The following GALNT7 variants were observed in gnomAD, a reference collection of about 807,000 sequenced individuals.
GALNT7 encodes the protein polypeptide N-acetylgalactosaminyltransferase 7, also known as N-acetylgalactosaminyltransferase 7.
GALNT7 carries 60 observed loss-of-function variants against 82.1 expected under a neutral mutation model. The observed-to-expected ratio is 0.73, with a 90% CI of 0.59 to 0.91. GALNT7 has a LOEUF of 0.91. GALNT7 is among the 40% of genes least tolerant of loss of function. The pLI is 0.00. For synonymous variants in GALNT7, 243 were observed against 275.1 expected (o/e 0.88, Z 1.15); for missense variants, 660 against 804.2 (o/e 0.82, Z 2.17).
At chr4:173,304,575 C>T (rs1737074343) in intron 8 of GALNT7, among the ~76,000 whole-genome samples, 1 of 151,854 alleles carries the variant, frequency 6.6e-6, no homozygotes, top group Non-Finnish European at 1.5e-5. Flanking sequence ...AAAATTTGTT[C>T]TCAGCAATTT....
intron 8 of GALNT7, 112 bp downstream of exon 8, chr4:173,304,230 T>C: frequency 1.3e-6 from 1 of 794,240 alleles, no homozygotes; most frequent in Non-Finnish European, 2.0e-6. Context: ...AGCAGTCATG[T>C]TGATTCTCAC....
At chr4:173,313,564 C>G (rs1364922118) in intron 8 of GALNT7, among the ~76,000 whole-genome samples, 3 of 147,050 alleles carry the variant, frequency 2.0e-5, no homozygotes, top group Non-Finnish European at 4.5e-5. Context: ...GAGCAAGACC[C>G]CATCACAAAA....
intron 1 of GALNT7, among the ~76,000 whole-genome samples, chr4:173,201,486 G>A (rs1022838940): frequency 2.6e-5 from 4 of 152,298 alleles, no homozygotes; most frequent in Admixed American, 2.0e-4. Flanking sequence ...TGCTTTGAAA[G>A]GGTTCACAGC....
chr4:173,247,288 T>C (rs1734677022), intron 1 of GALNT7, among the ~76,000 whole-genome samples: 1 of 151,300 alleles, frequency 6.6e-6, no homozygotes, highest in Non-Finnish European at 1.5e-5. Flanking sequence ...TTACTGTGAA[T>C]GAATATCCTT....
Position 173,317,701 on chromosome 4 carries a change from T to G in GALNT7, c.1676T>G (p.Leu559Arg), listed in dbSNP as rs1321445126. Reference sequence around the variant, plus strand: ...AAAACAAATGGAGGCTTTGTTGAACTAGGACCCTGCCACAGGATGGGAGGG... The same window carrying G: ...AAAACAAATGGAGGCTTTGTTGAACGAGGACCCTGCCACAGGATGGGAGGG... ...MGKTNGGFVE[L>R]GPCHRMGGNQ... Residue 559 changes from leucine (L) to arginine (R), a missense_variant, in exon 10 of 12, where the codon CTA becomes CGA. Around this residue, in one of 2 missense-constraint regions of GALNT7, gnomAD observed 527 missense variants for 683.5 expected, o/e 0.77. Transcript: ENST00000265000. 6.2e-7 allele frequency: 1 copy of G among 1,612,448 alleles called. No individual in the cohort carries two copies. Among genetic ancestry groups the G allele is most frequent in the Non-Finnish European group, 8.5e-7 (1 of 1,178,494 alleles).
intron 2 of GALNT7, among the ~76,000 whole-genome samples, chr4:173,262,812 C>T (rs1243266785): frequency 1.3e-5 from 2 of 152,228 alleles, no homozygotes; most frequent in Middle Eastern, 3.4e-3. Flanking sequence ...CTTCCCATTT[C>T]GTCTCACAGA....
intron 1 of GALNT7, among the ~76,000 whole-genome samples, chr4:173,170,277 C>T (rs1731817424): frequency 6.6e-6 from 1 of 152,244 alleles, no homozygotes; most frequent in South Asian, 2.1e-4. Context: ...GAGTCGCTCT[C>T]TCTGTTGTAA....
intron 8 of GALNT7, among the ~76,000 whole-genome samples, chr4:173,311,276 T>C (rs1737370546): frequency 6.6e-6 from 1 of 152,214 alleles, no homozygotes; most frequent in South Asian, 2.1e-4. Flanking sequence ...TATACATAAC[T>C]CTTCAGGTTT....
chr4:173,309,196 G>A (rs1016324401), intron 8 of GALNT7, among the ~76,000 whole-genome samples: 5 of 152,068 alleles, frequency 3.3e-5, no homozygotes, highest in East Asian at 3.9e-4. Context: ...GCATCCTCCC[G>A]GGCTTCTTTC....
intron 1 of GALNT7, among the ~76,000 whole-genome samples, chr4:173,201,700 C>CT (rs939645738): frequency 6.6e-5 from 10 of 152,012 alleles, no homozygotes; most frequent in African/African-American, 1.7e-4. Context: ...GAAAAAGCAC[C>CT]TTTTTTTTCT....
rs371108038 is a variant in GALNT7, at chr4:173,292,135, C to T, written c.615C>T (p.Asn205=). 2 of 1,609,312 alleles carry T rather than the reference C, an allele frequency of 1.2e-6. No homozygotes were observed. Among genetic ancestry groups the T allele is most frequent in the Non-Finnish European group, 1.7e-6 (2 of 1,177,706 alleles). The change falls in exon 3 of 12, where the codon AAC becomes AAT. Residue 205 remains asparagine, a synonymous_variant. Coordinates refer to ENST00000265000, the MANE Select transcript of GALNT7 (RefSeq NM_017423.3). The surrounding 1 kb of genome is among the most constrained non-coding windows in gnomAD (Gnocchi z 4.8). ...EECKYWHYDE[N]LLTSSVVIVF... is the part of the protein sequence containing the mutation. ...GCAAGTATTGGCATTATGATGAAAA[C>T]TTGCTCACTTCGAGCGTTGTCATTG...
chr4:173,279,825 G>A (rs1736045930), intron 2 of GALNT7, among the ~76,000 whole-genome samples: 1 of 151,914 alleles, frequency 6.6e-6, no homozygotes, highest in African/African-American at 2.4e-5. Flanking sequence ...ATACAAAAAA[G>A]TTAGCCAGGT....
At chr4:173,239,737 A>C (rs1029816725) in intron 1 of GALNT7, among the ~76,000 whole-genome samples, 3 of 152,208 alleles carry the variant, frequency 2.0e-5, no homozygotes, top group Non-Finnish European at 2.9e-5. Flanking sequence ...TTTTGTATGA[A>C]ATCTCCCTTT....
chr4:173,239,595 G>A (rs1213578050), intron 1 of GALNT7, among the ~76,000 whole-genome samples: 1 of 152,210 alleles, frequency 6.6e-6, no homozygotes, highest in African/African-American at 2.4e-5. Context: ...CAGGACCATG[G>A]GAGGAGGGCA....
chr4:173,184,952 C>T lies in GALNT7; in HGVS notation c.126+15991C>T, dbSNP rs74832000. Among the ~76,000 whole-genome samples the T allele has an allele frequency of 5.2e-3, 796 of 152,244 alleles. 9 individuals carry two copies. The highest frequency in any genetic ancestry group is 0.018 in the African/African-American group (766 of 41,542). ...GAACATATACAGTGCCTTCTTAAGT[C>T]AGGTTCCTGATTTATTTCTGGTACT... On this transcript the variant is annotated intron_variant, in intron 1 of 11. Coordinates refer to ENST00000265000, the MANE Select transcript of GALNT7 (RefSeq NM_017423.3).
chr4:173,183,507 T>A (rs1312814725), intron 1 of GALNT7, among the ~76,000 whole-genome samples: 1 of 152,116 alleles, frequency 6.6e-6, no homozygotes, highest in Admixed American at 6.5e-5. Context: ...GGCAGAAGAA[T>A]TTTTCTTAGT....
intron 1 of GALNT7, among the ~76,000 whole-genome samples, chr4:173,182,661 TACACACACACAC>T (rs60501649): frequency 2.2e-5 from 3 of 133,466 alleles, no homozygotes; most frequent in East Asian, 2.1e-4. Flanking sequence ...TTACTCATAA[TACACACACACAC>T]ACACACACAC....
intron 2 of GALNT7, among the ~76,000 whole-genome samples, chr4:173,288,301 AAAAAG>A (rs1561190782): frequency 1.6e-4 from 23 of 148,340 alleles, no homozygotes; most frequent in African/African-American, 5.2e-4. Context: ...AAAAAAAAAA[AAAAAG>A]AAAAGAACAT....
chr4:173,264,941 G>T (rs1735424003), intron 2 of GALNT7, among the ~76,000 whole-genome samples: 1 of 152,210 alleles, frequency 6.6e-6, no homozygotes, highest in African/African-American at 2.4e-5. Flanking sequence ...GGAAAATAAT[G>T]ATAGATGTGG....
Sources: gnomAD v4.1 joint callset for allele counts (sites outside exome capture counted in the v4.1 genomes callset) on GRCh38, gnomAD v4.1.1 for gene constraint, gnomAD v4.1.1 regional missense constraint, Gnocchi (gnomAD v3.1) non-coding constraint, MANE v1.5 for transcripts, NCBI Gene and HGNC (gene_info 2026-07-23, HGNC 2026-07-21) for gene names.